Variants in ANK2 observed in about 807,000 individuals in gnomAD.
ANK2 encodes the protein ankyrin 2, also known as ankyrin-2.
A neutral mutation model predicts 360.5 loss-of-function variants in ANK2; 83 were observed. The observed-to-expected ratio is 0.23, with a 90% CI of 0.19 to 0.28. ANK2 has a LOEUF of 0.28. Among genes scored for constraint, ANK2 ranks in the 10% least tolerant of loss-of-function variants. The pLI is 1.00. For missense variants in ANK2, 4,201 were observed against 4,795.7 expected (o/e 0.88, Z 3.66); for synonymous variants, 1,740 against 1,759.5 (o/e 0.99, Z 0.28).
the ANK2 span, among the ~76,000 whole-genome samples, chr4:112,769,750 A>G: frequency 6.6e-6 from 1 of 152,194 alleles, no homozygotes; most frequent in Non-Finnish European, 1.5e-5. Context: ...GGCCCTCCCC[A>G]GTGTGGGTAG....
At chr4:112,842,862 T>C (rs2062436318) in intron 1 of ANK2, among the ~76,000 whole-genome samples, 1 of 152,232 alleles carries the variant, frequency 6.6e-6, no homozygotes, top group Non-Finnish European at 1.5e-5. Context: ...CAATTAGAGA[T>C]CAGAAGTCCC....
At chr4:113,121,495 G>T (rs888171620) in intron 1 of ANK2, among the ~76,000 whole-genome samples, 7 of 152,066 alleles carry the variant, frequency 4.6e-5, no homozygotes, top group African/African-American at 1.4e-4. Flanking sequence ...ATGTAAATTC[G>T]TGTTGGGATT....
intron 13 of ANK2, among the ~76,000 whole-genome samples, chr4:113,258,886 G>A (rs29336): frequency 0.4 from 61,468 of 151,918 alleles, 13,299 homozygotes; most frequent in Non-Finnish European, 0.5. Context: ...CTTTTACTTC[G>A]TGTCAAACTC....
intron 1 of ANK2, among the ~76,000 whole-genome samples, chr4:113,161,381 C>T (rs1415286312): frequency 1.3e-5 from 2 of 152,156 alleles, no homozygotes; most frequent in East Asian, 1.9e-4. Context: ...CTTTTTTCTA[C>T]TCCATGTGGT....
chr4:112,760,666 A>G, the ANK2 span, among the ~76,000 whole-genome samples: 1 of 151,850 alleles, frequency 6.6e-6, no homozygotes, highest in African/African-American at 2.4e-5. Flanking sequence ...AGCATTAGGT[A>G]TATCTCCTAA....
the ANK2 span, among the ~76,000 whole-genome samples, chr4:112,779,541 A>G: frequency 1.3e-5 from 2 of 152,018 alleles, no homozygotes; most frequent in East Asian, 3.9e-4. Context: ...AAAAAAGGCC[A>G]TTTTATTTTT....
chr4:113,360,873 G>C lies in ANK2; in HGVS notation c.10732G>C (p.Asp3578His). Residue 3578 changes from aspartate to histidine, a missense_variant, in exon 39 of 46, where the codon GAT (aspartate) becomes CAT (histidine). Transcript: ENST00000357077. ...CGAGGAAAGGCTGGCTTATATTGCTGATCACCTTGGCTTCAGCTGGACAGG... is the reference window on the plus strand; with the variant it reads ...CGAGGAAAGGCTGGCTTATATTGCTCATCACCTTGGCTTCAGCTGGACAGG... ...RIEERLAYIA[D>H]HLGFSWTELA... The C allele has an allele frequency of 1.2e-6, 2 of 1,612,774 alleles. No individual in the cohort carries two copies. The highest frequency in any genetic ancestry group is 1.7e-6 in the Non-Finnish European group (2 of 1,179,292).
intron 2 of ANK2, among the ~76,000 whole-genome samples, chr4:112,976,826 A>C (rs1461257305): frequency 6.6e-6 from 1 of 152,154 alleles, no homozygotes; most frequent in Non-Finnish European, 1.5e-5. Flanking sequence ...TGCCCTTAGA[A>C]TCTTTACCCA....
the ANK2 span, among the ~76,000 whole-genome samples, chr4:112,774,860 C>A: frequency 1.3e-5 from 2 of 152,106 alleles, no homozygotes; most frequent in African/African-American, 4.8e-5. Context: ...AAATTTTGAA[C>A]GTTTTTGAGA....
chr4:113,006,412 A>G (rs1449365485), intron 2 of ANK2, among the ~76,000 whole-genome samples: 2 of 152,240 alleles, frequency 1.3e-5, no homozygotes, highest in Admixed American at 1.3e-4. Flanking sequence ...TGCCTCTTCA[A>G]CATGTGAAAG....
At position 113,363,347 on chromosome 4, in the gene ANK2, G is replaced by A. The variant is rs755784360; in HGVS notation, c.10766G>A (p.Arg3589Lys). 1.2e-6 allele frequency: 2 copies of A among 1,613,116 alleles called. No homozygotes were observed. The highest frequency in any genetic ancestry group is 1.7e-5 in the Admixed American group (1 of 59,920). The change falls in exon 40 of 46, where the codon AGA becomes AAA. Residue 3589 changes from arginine to lysine, a missense_variant. Arg to Lys is a conservative substitution (Grantham distance 26). Around this residue, in one of 4 missense-constraint regions of ANK2, gnomAD observed 2,642 missense variants for 2,714.5 expected, o/e 0.97. Coordinates refer to ENST00000357077, the MANE Select transcript of ANK2 (RefSeq NM_001148.6). ...HLGFSWTELA[R>K]ELDFTEEQIH... ...GTATTTTATCTTCTAGAATTAGCAA[G>A]AGAACTGGATTTCACTGAGGAGCAA...
intron 2 of ANK2, among the ~76,000 whole-genome samples, chr4:113,189,797 C>G (rs1213026209): frequency 6.6e-6 from 1 of 152,110 alleles, no homozygotes; most frequent in Non-Finnish European, 1.5e-5. Context: ...CTAGAGAATT[C>G]TCTTGTTTCA....
At chr4:113,022,802 A>G (rs2058453511) in intron 2 of ANK2, among the ~76,000 whole-genome samples, 1 of 152,222 alleles carries the variant, frequency 6.6e-6, no homozygotes, top group African/African-American at 2.4e-5. Flanking sequence ...ATTGTGTTTT[A>G]TCATCCTGAT....
rs534197640 is a variant in ANK2 at position 113,222,326 on chromosome 4, A to T, written c.385-9835A>T. The stretch of plus-strand genomic sequence containing the variant: ...CCAGCTCATCCCTAGTAAATGGCTT[A>T]GGTGAAAGTAAAAGGAAGTTAATTG... On this transcript the variant is annotated intron_variant, in intron 4 of 45. Coordinates refer to ENST00000357077, the MANE Select transcript of ANK2 (RefSeq NM_001148.6). Among the ~76,000 whole-genome samples the T allele has an allele frequency of 6.6e-5, 10 of 152,078 alleles. No individual in the cohort carries two copies. In the South Asian group the frequency reaches 2.1e-3, roughly 32 times the overall value.
chr4:113,325,981 T>C (rs1563772582), intron 26 of ANK2, among the ~76,000 whole-genome samples: 1 of 152,204 alleles, frequency 6.6e-6, no homozygotes, highest in Non-Finnish European at 1.5e-5. Flanking sequence ...TCTCCAAATG[T>C]TTATGGGGAT....
chr4:113,343,163 T>G, intron 34 of ANK2, 21 bp downstream of exon 34: 4 of 1,611,700 alleles, frequency 2.5e-6, no homozygotes, highest in Non-Finnish European at 3.4e-6. Context: ...CATGGAATTT[T>G]GTGATGCATT....
chr4:113,147,330 A>G (rs922588236), intron 1 of ANK2, among the ~76,000 whole-genome samples: 2 of 152,228 alleles, frequency 1.3e-5, no homozygotes, highest in Admixed American at 1.3e-4. Context: ...TGGACTTCTC[A>G]GAGCAGTCAC....
At chr4:112,788,342 T>G in the ANK2 span, 9 of 1,546,612 alleles carry the variant, frequency 5.8e-6, no homozygotes, top group South Asian at 7.9e-5. Context: ...GATAATGCAC[T>G]AAGGGACCAC....
chr4:113,277,984 T>C (rs1309175185), intron 16 of ANK2, 49 bp downstream of exon 16: 3 of 1,516,294 alleles, frequency 2.0e-6, no homozygotes, highest in Non-Finnish European at 2.7e-6. Flanking sequence ...AGGTGATAGA[T>C]TAGGAGATCT....
Sources: allele counts gnomAD v4.1 joint callset (sites outside exome capture counted in the v4.1 genomes callset), GRCh38; gene constraint gnomAD v4.1.1; regional missense constraint gnomAD v4.1.1; transcripts MANE v1.5; gene names NCBI Gene and HGNC (gene_info 2026-07-23, HGNC 2026-07-21).